Variants in SPINT1 observed in about 807,000 individuals in gnomAD.
The protein encoded by SPINT1 is kunitz-type protease inhibitor 1.
SPINT1 carries 38 observed loss-of-function variants against 53.7 expected under a neutral mutation model. The observed-to-expected ratio is 0.71, with a 90% CI of 0.55 to 0.93. The LOEUF is 0.93. Among genes scored for constraint, SPINT1 ranks in the 40% least tolerant of loss-of-function variants. The probability of loss-of-function intolerance (pLI) is 0.00; values close to 1 mark genes in which losing one functional copy is unlikely to be tolerated. For synonymous variants in SPINT1, 283 were observed against 280.6 expected (o/e 1.01, Z -0.08); for missense variants, 645 against 692.9 (o/e 0.93, Z 0.78).
In SPINT1 at chr15:40,853,198, G is replaced by A. The variant is rs753395243; in HGVS notation, c.550G>A (p.Val184Met). The A allele has an allele frequency of 1.2e-5, 19 of 1,614,114 alleles. No individual in the cohort carries two copies. The highest frequency in any genetic ancestry group is 2.2e-5 in the East Asian group (1 of 44,894). The change falls in exon 3 of 11, where the codon GTG (valine) becomes ATG (methionine). Residue 184 changes from valine to methionine, a missense_variant. Physicochemically the swap from Val to Met is conservative, Grantham distance 21. Coordinates refer to ENST00000562057, the MANE Select transcript of SPINT1 (RefSeq NM_003710.4). ...CCAGGAACCCCTGGTGCTGAAGGATGTGGAAAACACAGATTGGCGCCTACT... is the reference window on the plus strand; with the variant it reads ...CCAGGAACCCCTGGTGCTGAAGGATATGGAAAACACAGATTGGCGCCTACT... ...QPQEPLVLKDVENTDWRLLRG... is the reference protein window; with the variant it reads ...QPQEPLVLKDMENTDWRLLRG...
chr15:40,854,562 G>A lies in SPINT1; in HGVS notation c.1066+40G>A, dbSNP rs372216484. On this transcript the variant is annotated intron_variant, in intron 7 of 10. Coordinates refer to ENST00000562057, the MANE Select transcript of SPINT1 (RefSeq NM_003710.4). ...ATAGAGGGGGTTGGGCAGCAGACAG[G>A]GAGGTCCTGACAGCCTTGCCCTGAA... The A allele has an allele frequency of 6.9e-5, 111 of 1,613,670 alleles. No homozygotes were observed. In the Middle Eastern group the frequency reaches 5.9e-3, roughly 86 times the overall value.
chr15:40,844,579 C>G lies in SPINT1; in HGVS notation c.25C>G (p.Arg9Gly), dbSNP rs758400991. Residue 9 changes from arginine (R) to glycine (G), a missense_variant, in exon 2 of 11, where the codon CGC becomes GGC. Coordinates refer to ENST00000562057, the MANE Select transcript of SPINT1 (RefSeq NM_003710.4). This position sits in a 1 kb window ranked among gnomAD's most constrained non-coding sequence, Gnocchi z 5.8. MAPARTMARARLAPAGIPA... is the reference protein window; with the variant it reads MAPARTMAGARLAPAGIPA... Reference sequence around the variant, plus strand: ...GATGGCCCCTGCGAGGACGATGGCCCGCGCCCGCCTCGCCCCGGCCGGCAT... The same window carrying G: ...GATGGCCCCTGCGAGGACGATGGCCGGCGCCCGCCTCGCCCCGGCCGGCAT... 3.7e-6 allele frequency: 6 copies of G among 1,609,626 alleles called. No individual in the cohort carries two copies. The highest frequency in any genetic ancestry group is 1.3e-5 in the African/African-American group (1 of 74,606).
chr15:40,854,736 G>A lies in SPINT1; in HGVS notation c.1117+47G>A, dbSNP rs765708154. 6.2e-6 allele frequency: 10 copies of A among 1,608,758 alleles called. No individual in the cohort carries two copies. In the South Asian group the frequency reaches 1.1e-4, roughly 18 times the overall value. On this transcript the variant is annotated intron_variant, in intron 8 of 10. Transcript: ENST00000562057. The stretch of plus-strand genomic sequence containing the variant: ...CTGGATCAGGGCAGACGCTGACACT[G>A]CCATCCTCACTATTTCCATCCAGCA...
chr15:40,855,959 C>T lies in SPINT1; in HGVS notation c.1185C>T (p.Pro395=). The change falls in exon 9 of 11, where the codon CCC becomes CCT. Residue 395 remains proline (P), a synonymous_variant. Transcript: ENST00000562057. ...GCATCCCGCGCTGGTACTACAACCC[C>T]TTCAGCGAACACTGCGCCCGCTTTA... ...KESIPRWYYN[P]FSEHCARFTY... The T allele has an allele frequency of 6.2e-7, 1 of 1,614,264 alleles. No homozygotes were observed. The highest frequency in any genetic ancestry group is 1.3e-5 in the African/African-American group (1 of 75,072).
At position 40,853,705 on chromosome 15, in the gene SPINT1, C is replaced by T. The variant is rs1488278273; in HGVS notation, c.743-6C>T. ...GCACGGTCCCCTCATAAGCTCTCCC[C>T]CCTAGACTACTGCCTCGCATCCAAC... On this transcript the variant is annotated splice_region_variant and splice_polypyrimidine_tract_variant and intron_variant, in intron 4 of 10. Coordinates refer to ENST00000562057, the MANE Select transcript of SPINT1 (RefSeq NM_003710.4). The T allele has an allele frequency of 1.1e-5, 18 of 1,614,074 alleles. No individual in the cohort carries two copies. Among genetic ancestry groups the T allele is most frequent in the Non-Finnish European group, 1.4e-5 (17 of 1,179,938 alleles).
At position 40,844,595 on chromosome 15, in the gene SPINT1, C is replaced by G. The variant is rs199768768; in HGVS notation, c.41C>G (p.Pro14Arg). ...ACGATGGCCCGCGCCCGCCTCGCCC[C>G]GGCCGGCATCCCTGCCGTCGCCTTG... is the stretch of plus-strand genomic sequence containing the variant. The part of the protein sequence containing the change: ...ARTMARARLA[P>R]AGIPAVALWL... Residue 14 changes from proline (P) to arginine (R), a missense_variant, in exon 2 of 11, where the codon CCG (proline) becomes CGG (arginine). By Grantham distance (103) the Pro-to-Arg change is moderately radical. Transcript: ENST00000562057. This position sits in a 1 kb window ranked among gnomAD's most constrained non-coding sequence, Gnocchi z 5.8. 7 of 1,609,760 alleles carry G rather than the reference C, an allele frequency of 4.3e-6. No individual in the cohort carries two copies. Among genetic ancestry groups the G allele is most frequent in the Non-Finnish European group, 5.9e-6 (7 of 1,178,846 alleles).
At chr15:40,845,542 C>T (rs1374911311) in intron 2 of SPINT1, among the ~76,000 whole-genome samples, 2 of 152,114 alleles carry the variant, frequency 1.3e-5, no homozygotes. Context: ...GCCTTCACAT[C>T]GGTAGTAGGC....
rs760724011 is a variant in SPINT1, at chr15:40,857,139, C to T, written c.*164C>T. 11 of 924,824 alleles carry T rather than the reference C, an allele frequency of 1.2e-5. No homozygotes were observed. The South Asian group carries it at 1.6e-4, about 13-fold the overall frequency. 57.3% of individuals were successfully genotyped at this position (924,824 alleles called of 1,614,324 possible). A position where few individuals can be genotyped will look rare whatever the true frequency, so the allele number is the denominator to read the frequency against. On this transcript the variant is annotated 3_prime_UTR_variant, in exon 11 of 11. Coordinates refer to ENST00000562057, the MANE Select transcript of SPINT1 (RefSeq NM_003710.4). The stretch of plus-strand genomic sequence containing the variant: ...CTTGGAGAAGTCTCAGCTAAGCTCA[C>T]GTCCTGAGAAAGCTCAAAGGTTTGG...
chr15:40,853,658 GC>G (rs1477757273), intron 4 of SPINT1, 31 bp downstream of exon 4: 6 of 1,613,852 alleles, frequency 3.7e-6, no homozygotes, highest in South Asian at 1.1e-5. Context: ...AGCACCTGGA[GC>G]CCCCGCTGTG....
chr15:40,852,977 G>C, intron 2 of SPINT1, 147 bp from the exon 3 acceptor site: 1 of 912,956 alleles, frequency 1.1e-6, no homozygotes, highest in South Asian at 1.9e-5. Context: ...TGGTTCTGTT[G>C]GGGGCTCCCA....
In SPINT1 at chr15:40,854,482, C is replaced by A; in HGVS notation, c.1026C>A (p.Pro342=). The A allele has an allele frequency of 6.2e-7, 1 of 1,613,582 alleles. No individual in the cohort carries two copies. Among genetic ancestry groups the A allele is most frequent in the Non-Finnish European group, 8.5e-7 (1 of 1,179,916 alleles). The change falls in exon 7 of 11, where the codon CCC becomes CCA. Residue 342 remains proline, a synonymous_variant. Coordinates refer to ENST00000562057, the MANE Select transcript of SPINT1 (RefSeq NM_003710.4). ...GTTTCCTGGAGTGTGACGACACCCC[C>A]AACTGCCCCGACGCCTCCGACGAGG... ...IDSFLECDDT[P]NCPDASDEAA...
chr15:40,856,719 C>T, intron 10 of SPINT1, 51 bp from the exon 11 acceptor site: 1 of 1,608,180 alleles, frequency 6.2e-7, no homozygotes, highest in Non-Finnish European at 8.5e-7. Context: ...GGGTGGGTGT[C>T]AGAACCAGGC....
At position 40,853,574 on chromosome 15, in the gene SPINT1, C is replaced by T; in HGVS notation, c.689C>T (p.Pro230Leu). The T allele has an allele frequency of 6.2e-7, 1 of 1,614,044 alleles. No homozygotes were observed. The highest frequency in any genetic ancestry group is 8.5e-7 in the Non-Finnish European group (1 of 1,179,968). The change falls in exon 4 of 11, where the codon CCA becomes CTA. Residue 230 changes from proline to leucine, a missense_variant. Pro to Leu is a moderately conservative substitution (Grantham distance 98). Transcript: ENST00000562057. ...FQLTVTSSDH[P>L]EDTANVTVTV... ...CTGACAGTGACTAGCTCAGACCACC[C>T]AGAGGACACGGCCAACGTCACAGTC... is the stretch of plus-strand genomic sequence containing the variant.
chr15:40,851,678 T>G (rs1047282540), intron 2 of SPINT1, among the ~76,000 whole-genome samples: 4 of 152,118 alleles, frequency 2.6e-5, no homozygotes, highest in Non-Finnish European at 4.4e-5. Flanking sequence ...AAGGGCAACG[T>G]ATTAATTTCC....
chr15:40,848,203 C>T (rs1891351695), intron 2 of SPINT1, among the ~76,000 whole-genome samples: 1 of 152,214 alleles, frequency 6.6e-6, no homozygotes, highest in Admixed American at 6.5e-5. Flanking sequence ...GTGAGTCCCC[C>T]ATTGGCTCTG....
intron 2 of SPINT1, among the ~76,000 whole-genome samples, chr15:40,847,482 T>C (rs893072240): frequency 2.0e-5 from 3 of 152,162 alleles, no homozygotes; most frequent in African/African-American, 7.2e-5. Context: ...GCCAGGCCAG[T>C]ACAGATTCCT....
intron 8 of SPINT1, 80 bp downstream of exon 8, chr15:40,854,769 A>C (rs1891584809): frequency 1.3e-6 from 2 of 1,563,190 alleles, no homozygotes; most frequent in Admixed American, 3.3e-5. Flanking sequence ...GCAGTGCCTG[A>C]GGGGCCTGCT....
Position 40,854,453 on chromosome 15 carries a change from G to C in SPINT1, c.997G>C (p.Asp333His). ...CCGCTGCAGCAATGGCTGCTGCATC[G>C]ACAGTTTCCTGGAGTGTGACGACAC... ...QFRCSNGCCI[D>H]SFLECDDTPN... is the part of the protein sequence containing the mutation. Residue 333 changes from aspartate (D) to histidine (H), a missense_variant, in exon 7 of 11, where the codon GAC becomes CAC. By Grantham distance (81) the Asp-to-His change is moderately conservative. Transcript: ENST00000562057. The C allele has an allele frequency of 6.2e-7, 1 of 1,613,314 alleles. No homozygotes were observed. The highest frequency in any genetic ancestry group is 1.1e-5 in the South Asian group (1 of 91,010).
chr15:40,844,369 T>A lies in SPINT1; in HGVS notation c.-65-121T>A, dbSNP rs1891202189. On this transcript the variant is annotated intron_variant, in intron 1 of 10. Transcript: ENST00000562057. This position sits in a 1 kb window ranked among gnomAD's most constrained non-coding sequence, Gnocchi z 5.8. Reference sequence around the variant, plus strand: ...GGGAGGGCCGGGCCCGTGCGCCCTCTTCGATCCTGGGGTGCTCCGGTCCCT... The same window carrying A: ...GGGAGGGCCGGGCCCGTGCGCCCTCATCGATCCTGGGGTGCTCCGGTCCCT... The A allele has an allele frequency of 1.5e-6, 1 of 687,952 alleles. No individual in the cohort carries two copies. The highest frequency in any genetic ancestry group is 2.3e-5 in the Admixed American group (1 of 43,874). The allele number at this position is 687,952 out of a possible 1,614,324, so 42.6% of individuals were successfully genotyped here.
Sources: gnomAD v4.1 joint callset for allele counts (sites outside exome capture counted in the v4.1 genomes callset) on GRCh38, gnomAD v4.1.1 for gene constraint, Gnocchi (gnomAD v3.1) non-coding constraint, MANE v1.5 for transcripts, NCBI Gene and HGNC (gene_info 2026-07-23, HGNC 2026-07-21) for gene names.